Variants in ARMC10 observed in about 807,000 individuals in gnomAD.
ARMC10 encodes the protein armadillo repeat containing 10.
Under a neutral mutation model 30.2 loss-of-function variants are expected in ARMC10, and 23 were observed. The observed-to-expected ratio is 0.76, with a 90% confidence interval of 0.55 to 1.08. ARMC10 has a LOEUF of 1.08. ARMC10 is among the 50% of genes least tolerant of loss of function. The pLI is 0.00. For missense variants in ARMC10, 303 were observed against 413.7 expected, an observed-to-expected ratio of 0.73 and a Z score of 2.32; for synonymous variants, 111 against 164.4, an observed-to-expected ratio of 0.68 and a Z score of 2.48.
chr7:103,091,408 G>A (rs1294711809), intron 4 of ARMC10, among the ~76,000 whole-genome samples: 4 of 152,148 alleles, frequency 2.6e-5, no homozygotes. Context: ...GAGTTTAGTT[G>A]TGTCATGTAT....
chr7:103,080,380 G>T (rs957731578), intron 2 of ARMC10, among the ~76,000 whole-genome samples: 3 of 151,770 alleles, frequency 2.0e-5, no homozygotes, highest in Non-Finnish European at 4.4e-5. Context: ...TCGGCCACCC[G>T]AGTAGCTGGG....
chr7:103,081,452 A>G (rs1383562447), intron 2 of ARMC10, among the ~76,000 whole-genome samples: 1 of 152,198 alleles, frequency 6.6e-6, no homozygotes, highest in East Asian at 1.9e-4. Flanking sequence ...GCTTACTGCA[A>G]CCTCTGCCTC....
At position 103,099,612 on chromosome 7, in the gene ARMC10, T is replaced by C. The variant is rs1802097447; in HGVS notation, c.*1059T>C. ...TGTGTGTTTGAATGAAAAATGCTTA[T>C]GTATTGACAGAACACTTCTAGAATG... On this transcript the variant is annotated 3_prime_UTR_variant, in exon 7 of 7. Transcript: ENST00000323716. 1.6e-5 allele frequency: 1 copy of C among 61,436 alleles called. No individual in the cohort carries two copies. The highest frequency in any genetic ancestry group is 8.3e-4 in the South Asian group (1 of 1,204). The allele number at this position is 61,436 out of a possible 1,614,324, so 3.8% of individuals were successfully genotyped here.
intron 3 of ARMC10, among the ~76,000 whole-genome samples, chr7:103,084,824 C>G (rs905459531): frequency 1.3e-5 from 2 of 152,166 alleles, no homozygotes; most frequent in African/African-American, 4.8e-5. Context: ...GCTCATTATC[C>G]AAAAGGTACA....
At position 103,088,027 on chromosome 7, in the gene ARMC10, A is replaced by G. The variant is rs144724058; in HGVS notation, c.528+1263A>G. Among the ~76,000 whole-genome samples, 564 of 152,302 alleles carry G rather than the reference A, an allele frequency of 3.7e-3. 4 individuals are homozygous for G. The highest frequency in any genetic ancestry group is 0.013 in the African/African-American group (556 of 41,572). On this transcript the variant is annotated intron_variant, in intron 4 of 6. Transcript: ENST00000323716. The stretch of plus-strand genomic sequence containing the variant: ...AAGAAGTATTACCAGTTTGGAGGCT[A>G]TGTACCAAGTGTCATACCAAAGATA...
chr7:103,088,036 G>A lies in ARMC10; in HGVS notation c.528+1272G>A, dbSNP rs940276275. Reference sequence around the variant, plus strand: ...TACCAGTTTGGAGGCTATGTACCAAGTGTCATACCAAAGATAAGGCTGCTG... The same window carrying A: ...TACCAGTTTGGAGGCTATGTACCAAATGTCATACCAAAGATAAGGCTGCTG... On this transcript the variant is annotated intron_variant, in intron 4 of 6. Coordinates refer to ENST00000323716, the MANE Select transcript of ARMC10 (RefSeq NM_031905.5). Among the ~76,000 whole-genome samples the A allele has an allele frequency of 3.3e-5, 5 of 152,140 alleles. No homozygotes were observed. In the East Asian group the frequency reaches 7.7e-4, roughly 23 times the overall value.
At chr7:103,075,670 C>A in intron 1 of ARMC10, 107 bp from the exon 2 acceptor site, 1 of 930,480 alleles carries the variant, frequency 1.1e-6, no homozygotes, top group South Asian at 2.0e-5. Context: ...TGTTGATGGC[C>A]TCTCATTTTA....
intron 2 of ARMC10, chr7:103,083,153 G>A (rs1341902400): frequency 2.2e-6 from 1 of 456,696 alleles, no homozygotes. Flanking sequence ...TTTGCATGAA[G>A]TGTCTTACTA....
At position 103,081,455 on chromosome 7, in the gene ARMC10, T is replaced by G. The variant is rs561876507; in HGVS notation, c.245-2227T>G. ...GATGCAATCTCAGCTTACTGCAACC[T>G]CTGCCTCCCAGGCTCAAGCAATTTT... On this transcript the variant is annotated intron_variant, in intron 2 of 6. Transcript: ENST00000323716. Among the ~76,000 whole-genome samples, 6 of 152,346 alleles carry G rather than the reference T, an allele frequency of 3.9e-5. No individual in the cohort carries two copies. The South Asian group carries it at 1.2e-3, about 32-fold the overall frequency.
At chr7:103,078,487 C>T (rs1433218258) in intron 2 of ARMC10, among the ~76,000 whole-genome samples, 1 of 152,186 alleles carries the variant, frequency 6.6e-6, no homozygotes. Flanking sequence ...GCTTCCCCTT[C>T]CACCATGATT....
At chr7:103,094,155 A>G (rs534716950) in intron 5 of ARMC10, among the ~76,000 whole-genome samples, 1 of 152,256 alleles carries the variant, frequency 6.6e-6, no homozygotes, top group Non-Finnish European at 1.5e-5. Context: ...TAAATATCGT[A>G]TTTTGCTTAA....
At chr7:103,083,565 G>A (rs1159375438) in intron 2 of ARMC10, 117 bp from the exon 3 acceptor site, 9 of 851,368 alleles carry the variant, frequency 1.1e-5, no homozygotes, top group Non-Finnish European at 1.5e-5. Flanking sequence ...GATCAAGGTT[G>A]TAGTGAGCCA....
rs533777688 is a variant in ARMC10, at chr7:103,075,438, G to T, written c.139+27G>T. 54 of 1,286,018 alleles carry T rather than the reference G, an allele frequency of 4.2e-5. No individual in the cohort carries two copies. The South Asian group carries it at 9.3e-4, about 22-fold the overall frequency. The allele number at this position is 1,286,018 out of a possible 1,614,324, so 79.7% of individuals were successfully genotyped here. A position where few individuals can be genotyped will look rare whatever the true frequency, so the allele number is the denominator to read the frequency against. On this transcript the variant is annotated intron_variant, in intron 1 of 6. Transcript: ENST00000323716. The stretch of plus-strand genomic sequence containing the variant: ...TGGGACCCCGGGGTTTCCGGCAGGT[G>T]GGCGGGGACTGGGCAGGGGGGCTCC...
chr7:103,086,538 T>A, intron 3 of ARMC10, 92 bp from the exon 4 acceptor site: 1 of 1,381,850 alleles, frequency 7.2e-7, no homozygotes, highest in Non-Finnish European at 9.8e-7. Context: ...AGCCGTTGAT[T>A]TTTAATTGTA....
intron 2 of ARMC10, chr7:103,082,946 C>G: frequency 4.9e-6 from 2 of 407,266 alleles, no homozygotes; most frequent in Non-Finnish European, 9.8e-6. Context: ...TTGTATAAAT[C>G]AAACAAAAAT....
At chr7:103,075,516 T>TAGAGGG (rs1396669350) in intron 1 of ARMC10, 105 bp downstream of exon 1, 2 of 1,147,238 alleles carry the variant, frequency 1.7e-6, no homozygotes, top group Middle Eastern at 2.6e-4. Context: ...GGAGCCGAGC[T>TAGAGGG]AGAGGGAGAG....
intron 4 of ARMC10, among the ~76,000 whole-genome samples, chr7:103,091,334 G>A (rs4729873): frequency 0.52 from 78,870 of 151,866 alleles, 23,598 homozygotes; most frequent in Non-Finnish European, 0.66. Flanking sequence ...TTGTCCCCCC[G>A]GAAAAAAAGA....
chr7:103,075,363 C>T lies in ARMC10; in HGVS notation c.91C>T (p.Arg31Trp), dbSNP rs1171474692. The change falls in exon 1 of 7, where the codon CGG (arginine) becomes TGG (tryptophan). Residue 31 changes from arginine to tryptophan, a missense_variant. Coordinates refer to ENST00000323716, the MANE Select transcript of ARMC10 (RefSeq NM_031905.5). ...CYCIYRLTRGRRRGDRELGIR... is the reference protein window; with the variant it reads ...CYCIYRLTRGWRRGDRELGIR... ...CTGCATTTACAGGCTGACCCGGGGTCGGCGGCGGGGCGACCGCGAGCTCGG... is the reference window on the plus strand; with the variant it reads ...CTGCATTTACAGGCTGACCCGGGGTTGGCGGCGGGGCGACCGCGAGCTCGG... 9.4e-6 allele frequency: 12 copies of T among 1,278,386 alleles called. No individual in the cohort carries two copies. Among genetic ancestry groups the T allele is most frequent in the African/African-American group, 9.1e-5 (6 of 66,168 alleles). The allele number at this position is 1,278,386 out of a possible 1,614,324, so 79.2% of individuals were successfully genotyped here. A position where few individuals can be genotyped will look rare whatever the true frequency, so the allele number is the denominator to read the frequency against.
intron 4 of ARMC10, among the ~76,000 whole-genome samples, chr7:103,090,084 G>C (rs1057050874): frequency 2.0e-5 from 3 of 152,222 alleles, no homozygotes; most frequent in African/African-American, 7.2e-5. Flanking sequence ...CCTACAGGTA[G>C]AGTTGGGGAA....
Sources: gnomAD v4.1 joint callset for allele counts (sites outside exome capture counted in the v4.1 genomes callset) on GRCh38, gnomAD v4.1.1 for gene constraint, MANE v1.5 for transcripts, NCBI Gene and HGNC (gene_info 2026-07-23, HGNC 2026-07-21) for gene names.